Variants in TMTC2 observed in about 807,000 individuals in gnomAD.
TMTC2 encodes the protein protein O-mannosyl-transferase TMTC2.
A neutral mutation model predicts 82.4 loss-of-function variants in TMTC2; 43 were observed. The observed-to-expected ratio is 0.52, with a 90% CI of 0.41 to 0.67. The LOEUF is 0.67. TMTC2 is among the 30% of genes least tolerant of loss of function. The pLI, the probability that TMTC2 is intolerant of heterozygous loss-of-function variation, is 0.00. For missense variants in TMTC2, 919 were observed against 1,012.4 expected, an observed-to-expected ratio of 0.91 and a Z score of 1.25; for synonymous variants, 408 against 381.9, an observed-to-expected ratio of 1.07 and a Z score of -0.80.
intron 1 of TMTC2, among the ~76,000 whole-genome samples, chr12:82,755,504 A>G (rs888062183): frequency 2.0e-5 from 3 of 152,222 alleles, no homozygotes; most frequent in African/African-American, 7.2e-5. Flanking sequence ...TGTTGAAATT[A>G]TTTAAAAGAA....
chr12:82,928,947 T>C (rs143151354), intron 3 of TMTC2, among the ~76,000 whole-genome samples: 195 of 152,344 alleles, frequency 1.3e-3, no homozygotes, highest in African/African-American at 4.6e-3. Flanking sequence ...GTATTTAATG[T>C]TATTTTTGTA....
At chr12:83,029,767 G>A (rs899720422) in intron 8 of TMTC2, among the ~76,000 whole-genome samples, 2 of 152,150 alleles carry the variant, frequency 1.3e-5, no homozygotes, top group African/African-American at 4.8e-5. Flanking sequence ...AGGTAACTGT[G>A]GTTCAGAGGC....
chr12:83,000,227 C>G (rs1404688295), intron 8 of TMTC2, among the ~76,000 whole-genome samples: 2 of 152,068 alleles, frequency 1.3e-5, no homozygotes, highest in African/African-American at 4.8e-5. Flanking sequence ...CTCCACCTCC[C>G]TAGTTCAAGC....
Position 82,876,063 on chromosome 12 carries a change from GTGGTGATGATGA to G in TMTC2, c.654+18486_654+18497del, listed in dbSNP as rs1230509687. Among the ~76,000 whole-genome samples, 206 of 112,630 alleles carry G rather than the reference GTGGTGATGATGA, an allele frequency of 1.8e-3. 3 individuals are homozygous for G. The highest frequency in any genetic ancestry group is 2.2e-3 in the Non-Finnish European group (114 of 52,800). 73.9% of individuals were successfully genotyped at this position (112,630 alleles called of 152,430 possible). ...GGTGGTGGTGGTGGTGGTGGTGGTG[GTGGTGATGATGA>G]TGATGGTGATTAGTATTCATAATGG... On this transcript the variant is annotated intron_variant, in intron 2 of 11. Coordinates refer to ENST00000321196, the MANE Select transcript of TMTC2 (RefSeq NM_152588.3).
intron 11 of TMTC2, among the ~76,000 whole-genome samples, chr12:83,102,593 T>A (rs973046239): frequency 6.6e-6 from 1 of 152,214 alleles, no homozygotes; most frequent in Non-Finnish European, 1.5e-5. Flanking sequence ...ATAAATAAAC[T>A]GTGGGTTGTA....
chr12:82,870,827 G>GA (rs1297505355), intron 2 of TMTC2, among the ~76,000 whole-genome samples: 1 of 152,202 alleles, frequency 6.6e-6, no homozygotes, highest in East Asian at 1.9e-4. Flanking sequence ...CAAGAAAGGA[G>GA]AAAATGTGGG....
intron 9 of TMTC2, among the ~76,000 whole-genome samples, chr12:83,044,056 C>T (rs1372240588): frequency 2.6e-5 from 4 of 152,188 alleles, no homozygotes; most frequent in African/African-American, 9.7e-5. Flanking sequence ...ATAGAAACTT[C>T]ACTGTGAATG....
intron 8 of TMTC2, among the ~76,000 whole-genome samples, chr12:83,006,325 C>T (rs1327615268): frequency 6.6e-6 from 1 of 152,202 alleles, no homozygotes; most frequent in African/African-American, 2.4e-5. Flanking sequence ...ATTTTGGTCT[C>T]ACTCGCTTGG....
chr12:82,697,397 C>A (rs117808879), intron 1 of TMTC2, among the ~76,000 whole-genome samples: 3 of 150,932 alleles, frequency 2.0e-5, no homozygotes, highest in Non-Finnish European at 4.4e-5. Context: ...GTTATTCCCA[C>A]GTACAGCAGA....
chr12:82,867,797 T>C (rs1871944947), intron 2 of TMTC2, among the ~76,000 whole-genome samples: 1 of 152,224 alleles, frequency 6.6e-6, no homozygotes, highest in Non-Finnish European at 1.5e-5. Context: ...TGATCCACTA[T>C]ATGTAGTCTC....
At chr12:82,935,167 G>A (rs1410915501) in intron 4 of TMTC2, among the ~76,000 whole-genome samples, 2 of 152,050 alleles carry the variant, frequency 1.3e-5, no homozygotes, top group Non-Finnish European at 2.9e-5. Context: ...GCTAAGAGCT[G>A]CCTTCAAGAA....
At chr12:83,057,988 C>G (rs1882606941) in intron 10 of TMTC2, among the ~76,000 whole-genome samples, 1 of 151,784 alleles carries the variant, frequency 6.6e-6, no homozygotes, top group African/African-American at 2.4e-5. Flanking sequence ...TTCTTTTAAT[C>G]AGATTCGCTT....
intron 2 of TMTC2, among the ~76,000 whole-genome samples, chr12:82,884,501 G>C (rs2137160718): frequency 6.6e-6 from 1 of 152,228 alleles, no homozygotes; most frequent in Non-Finnish European, 1.5e-5. Context: ...TTATTTTTCA[G>C]TTGTTAATTT....
intron 5 of TMTC2, 149 bp downstream of exon 5, chr12:82,965,258 A>C: frequency 1.5e-6 from 1 of 656,208 alleles, no homozygotes; most frequent in Non-Finnish European, 2.6e-6. Context: ...TTATATCTCA[A>C]TTGCATCATA....
intron 10 of TMTC2, among the ~76,000 whole-genome samples, chr12:83,061,018 A>G (rs1191241096): frequency 6.6e-6 from 1 of 151,822 alleles, no homozygotes; most frequent in Non-Finnish European, 1.5e-5. Context: ...TTAAATCGGC[A>G]GGAAACAAGG....
At chr12:82,970,677 C>T (rs1878414216) in intron 7 of TMTC2, among the ~76,000 whole-genome samples, 1 of 152,222 alleles carries the variant, frequency 6.6e-6, no homozygotes, top group Non-Finnish European at 1.5e-5. Flanking sequence ...TTCTCTGTCA[C>T]TGTTTTTGTA....
At chr12:82,950,428 T>C (rs188169725) in intron 4 of TMTC2, among the ~76,000 whole-genome samples, 77 of 152,334 alleles carry the variant, frequency 5.1e-4, no homozygotes, top group Middle Eastern at 3.4e-3. Flanking sequence ...AAGTAAATTA[T>C]GCATATATGA....
intron 11 of TMTC2, among the ~76,000 whole-genome samples, chr12:83,112,919 A>C (rs931090760): frequency 1.3e-5 from 2 of 152,226 alleles, no homozygotes; most frequent in Admixed American, 6.5e-5. Flanking sequence ...CCATATAATC[A>C]TTATGATCCC....
chr12:82,857,445 G>A lies in TMTC2; in HGVS notation c.519G>A (p.Leu173=), dbSNP rs780447248. 11 of 1,614,222 alleles carry A rather than the reference G, an allele frequency of 6.8e-6. No homozygotes were observed. The Admixed American group carries it at 1.8e-4, about 27-fold the overall frequency. Residue 173 remains leucine, a synonymous_variant, in exon 2 of 12, where the codon CTG becomes CTA. Transcript: ENST00000321196. The part of the protein sequence containing the change: ...GYSARTWGWF[L]GSGLCAGCSM... ...CAGCCAGAACCTGGGGCTGGTTCCT[G>A]GGGTCAGGACTGTGCGCAGGATGCA...
Sources: gnomAD v4.1 joint callset for allele counts (sites outside exome capture counted in the v4.1 genomes callset) on GRCh38, gnomAD v4.1.1 for gene constraint, MANE v1.5 for transcripts, NCBI Gene and HGNC (gene_info 2026-07-23, HGNC 2026-07-21) for gene names.